TBC1D19: variants seen among roughly 807,000 people sequenced by gnomAD.
TBC1D19 encodes TBC1 domain family member 19, also known as TBC1 domain family, member 19.
A neutral mutation model predicts 89.0 loss-of-function variants in TBC1D19; 60 were observed. The ratio of observed to expected loss-of-function variants is 0.67; its 90% CI spans 0.55 to 0.84. TBC1D19 has a LOEUF of 0.84. Ranked by LOEUF, TBC1D19 falls within the 40% of genes least tolerant of loss-of-function variation. TBC1D19 has a pLI of 0.00. For synonymous variants in TBC1D19, 189 were observed against 199.7 expected (o/e 0.95, Z 0.45); for missense variants, 500 against 610.8 (o/e 0.82, Z 1.91).
chr4:26,736,491 G>A (rs58565506), intron 16 of TBC1D19, among the ~76,000 whole-genome samples: 61,989 of 150,192 alleles, frequency 0.41, 13,134 homozygotes, highest in Non-Finnish European at 0.46. Flanking sequence ...ACATGTATAC[G>A]TATGTAACTA....
the TBC1D19 span, among the ~76,000 whole-genome samples, chr4:26,817,367 C>T: frequency 6.6e-6 from 1 of 152,098 alleles, no homozygotes; most frequent in Non-Finnish European, 1.5e-5. Flanking sequence ...CAACAAACGT[C>T]CTTTAACCAA....
intron 13 of TBC1D19, among the ~76,000 whole-genome samples, chr4:26,699,607 C>T (rs529988006): frequency 6.6e-6 from 1 of 152,082 alleles, no homozygotes; most frequent in African/African-American, 2.4e-5. Flanking sequence ...AGACTTGCAA[C>T]CAACCCAAAT....
chr4:26,727,303 C>A (rs1717380546), intron 15 of TBC1D19, among the ~76,000 whole-genome samples: 1 of 152,194 alleles, frequency 6.6e-6, no homozygotes, highest in Non-Finnish European at 1.5e-5. Context: ...GGATTCTTCA[C>A]TGCTTCTTAT....
chr4:26,793,298 A>G, the TBC1D19 span, among the ~76,000 whole-genome samples: 9 of 152,184 alleles, frequency 5.9e-5, no homozygotes, highest in African/African-American at 1.9e-4. Context: ...AATTCATCCT[A>G]CGGTGTGTGA....
intron 16 of TBC1D19, among the ~76,000 whole-genome samples, chr4:26,739,016 A>T (rs928444060): frequency 6.6e-6 from 1 of 152,100 alleles, no homozygotes; most frequent in Non-Finnish European, 1.5e-5. Flanking sequence ...TTTTTATTAA[A>T]ATTAATATTT....
intron 7 of TBC1D19, among the ~76,000 whole-genome samples, chr4:26,654,131 A>G (rs1012508050): frequency 1.1e-4 from 17 of 152,262 alleles, no homozygotes; most frequent in Non-Finnish European, 1.9e-4. Flanking sequence ...CTTCACTTAC[A>G]AAGCTTAGTT....
At chr4:26,803,669 G>A in the TBC1D19 span, among the ~76,000 whole-genome samples, 1 of 152,096 alleles carries the variant, frequency 6.6e-6, no homozygotes, top group Non-Finnish European at 1.5e-5. Flanking sequence ...GCCCATTTGT[G>A]GCAAACGGTG....
chr4:26,735,023 C>CATATGTAT (rs1578000050), intron 15 of TBC1D19, among the ~76,000 whole-genome samples: 2 of 62,660 alleles, frequency 3.2e-5, no homozygotes, highest in Non-Finnish European at 4.2e-5. Flanking sequence ...TGTGTATACA[C>CATATGTAT]ATGTATATAT....
downstream of TBC1D19, among the ~76,000 whole-genome samples, chr4:26,759,869 T>G (rs947950768): frequency 6.6e-6 from 1 of 152,236 alleles, no homozygotes; most frequent in Non-Finnish European, 1.5e-5. Context: ...TTAATGTACA[T>G]TCATGTTGTT....
chr4:26,815,293 G>A, the TBC1D19 span, among the ~76,000 whole-genome samples: 1 of 152,194 alleles, frequency 6.6e-6, no homozygotes, highest in South Asian at 2.1e-4. Flanking sequence ...GGCCCAAAAT[G>A]CTGATCTTTC....
rs1719192414 is a variant in TBC1D19, at chr4:26,755,063, G to C, written c.*116G>C. The C allele has an allele frequency of 1.1e-6, 1 of 894,132 alleles. No individual in the cohort carries two copies. Among genetic ancestry groups the C allele is most frequent in the Non-Finnish European group, 1.6e-6 (1 of 606,204 alleles). The allele number at this position is 894,132 out of a possible 1,614,324, so 55.4% of individuals were successfully genotyped here. A position where few individuals can be genotyped will look rare whatever the true frequency, so the allele number is the denominator to read the frequency against. On this transcript the variant is annotated 3_prime_UTR_variant, in exon 21 of 21. Transcript: ENST00000264866. Reference sequence around the variant, plus strand: ...TTGCATATAAGCCAATAAAGATCATGTTCCCTCTTCAGTTAAACCTAAGTA... The same window carrying C: ...TTGCATATAAGCCAATAAAGATCATCTTCCCTCTTCAGTTAAACCTAAGTA...
intron 10 of TBC1D19, among the ~76,000 whole-genome samples, chr4:26,672,734 G>T (rs1296557941): frequency 1.3e-5 from 2 of 151,812 alleles, no homozygotes; most frequent in African/African-American, 2.4e-5. Context: ...AGTACAGATT[G>T]GTCTTTGTGT....
At chr4:26,856,603 AG>A in the TBC1D19 span, among the ~76,000 whole-genome samples, 1 of 152,202 alleles carries the variant, frequency 6.6e-6, no homozygotes, top group South Asian at 2.1e-4. Flanking sequence ...ACAGTATACC[AG>A]GGTTTCCTTT....
At position 26,688,426 on chromosome 4, in the gene TBC1D19, A is replaced by G. The variant is rs779193659; in HGVS notation, c.954+19A>G. ...ATATCAGGTAAGTTTAAAAATAAAA[A>G]TACATAGTGTTCTTGTTTTAGGTTC... On this transcript the variant is annotated intron_variant, in intron 13 of 20. Coordinates refer to ENST00000264866, the MANE Select transcript of TBC1D19 (RefSeq NM_018317.4). 1.3e-6 allele frequency: 2 copies of G among 1,535,292 alleles called. No homozygotes were observed. The highest frequency in any genetic ancestry group is 8.8e-7 in the Non-Finnish European group (1 of 1,137,294).
intron 4 of TBC1D19, among the ~76,000 whole-genome samples, chr4:26,630,630 A>G (rs1410594734): frequency 6.6e-6 from 1 of 152,054 alleles, no homozygotes; most frequent in Non-Finnish European, 1.5e-5. Context: ...AACTCTGGCA[A>G]GTGTTCACTT....
chr4:26,683,959 A>G (rs1188790734), intron 12 of TBC1D19, among the ~76,000 whole-genome samples: 2 of 152,150 alleles, frequency 1.3e-5, no homozygotes, highest in African/African-American at 2.4e-5. Flanking sequence ...AGCTGTCTTC[A>G]TGATTCTTTC....
At chr4:26,647,089 G>A (rs1211428307) in intron 7 of TBC1D19, among the ~76,000 whole-genome samples, 1 of 152,114 alleles carries the variant, frequency 6.6e-6, no homozygotes, top group African/African-American at 2.4e-5. Context: ...AACAACACTG[G>A]AAATGGAAAC....
chr4:26,704,512 A>T (rs542598167), intron 13 of TBC1D19, among the ~76,000 whole-genome samples: 1 of 152,278 alleles, frequency 6.6e-6, no homozygotes, highest in African/African-American at 2.4e-5. Context: ...AACGCTATTG[A>T]ATGGAGTTAA....
At position 26,743,967 on chromosome 4, in the gene TBC1D19, C is replaced by T. The variant is rs144822076; in HGVS notation, c.1319+1368C>T. Reference sequence around the variant, plus strand: ...CAATGACATGATAAACATTAAAATTCCTATATAGGAAAAGTGTAAAAATTC... The same window carrying T: ...CAATGACATGATAAACATTAAAATTTCTATATAGGAAAAGTGTAAAAATTC... On this transcript the variant is annotated intron_variant, in intron 18 of 20. Transcript: ENST00000264866. Among the ~76,000 whole-genome samples, 7 of 151,478 alleles carry T rather than the reference C, an allele frequency of 4.6e-5. No homozygotes were observed. In the East Asian group the frequency reaches 1.4e-3, roughly 29 times the overall value.
Sources: allele counts gnomAD v4.1 joint callset (sites outside exome capture counted in the v4.1 genomes callset), GRCh38; gene constraint gnomAD v4.1.1; transcripts MANE v1.5; gene names NCBI Gene and HGNC (gene_info 2026-07-23, HGNC 2026-07-21).